The following CTNNA3 variants were observed in gnomAD, a reference collection of about 807,000 sequenced individuals.
CTNNA3 encodes the protein catenin alpha 3.
In CTNNA3, 76 loss-of-function variants were observed where a neutral mutation model predicts 95.7. The ratio of observed to expected loss-of-function variants is 0.79; its 90% CI spans 0.66 to 0.96. The LOEUF (loss-of-function observed/expected upper bound fraction) is 0.96. CTNNA3 is among the 40% of genes least tolerant of loss of function. The pLI, the probability that CTNNA3 is intolerant of heterozygous loss-of-function variation, is 0.00. For synonymous variants in CTNNA3, 431 were observed against 374.4 expected, an observed-to-expected ratio of 1.15 and a Z score of -1.74; for missense variants, 1,191 against 1,089.8, an observed-to-expected ratio of 1.09 and a Z score of -1.31.
chr10:67,265,794 C>G (rs1377053489), intron 5 of CTNNA3, among the ~76,000 whole-genome samples: 1 of 152,148 alleles, frequency 6.6e-6, no homozygotes, highest in African/African-American at 2.4e-5. Context: ...ACCTGGAAAC[C>G]AGGCATCTTC....
In CTNNA3 at chr10:66,915,594, A is replaced by G. The variant is rs1343322256; in HGVS notation, c.1048-140070T>C. 2.0e-5 allele frequency among the ~76,000 whole-genome samples: 3 copies of G among 151,940 alleles called. No individual in the cohort carries two copies. The East Asian group carries it at 5.8e-4, about 29-fold the overall frequency. On this transcript the variant is annotated intron_variant, in intron 7 of 17. Transcript: ENST00000433211. ...CTGTTCTGGAAAATGGTGAAGTACT[A>G]GGTACATAGCTAGAATTGGATATTG...
At chr10:67,656,060 C>T (rs543502162) in intron 1 of CTNNA3, among the ~76,000 whole-genome samples, 30 of 152,248 alleles carry the variant, frequency 2.0e-4, no homozygotes, top group African/African-American at 7.2e-4. Flanking sequence ...AAGAAGACAA[C>T]TGTAATATAA....
At chr10:66,976,556 T>A (rs1371462603) in intron 7 of CTNNA3, among the ~76,000 whole-genome samples, 1 of 152,168 alleles carries the variant, frequency 6.6e-6, no homozygotes, top group Non-Finnish European at 1.5e-5. Context: ...TGACATCATC[T>A]CTTCCTAAAA....
intron 12 of CTNNA3, among the ~76,000 whole-genome samples, chr10:66,357,936 C>T (rs2092623853): frequency 6.6e-6 from 1 of 152,172 alleles, no homozygotes; most frequent in African/African-American, 2.4e-5. Context: ...TTCTCCACAT[C>T]TTCCCCAACA....
chr10:66,862,258 A>C (rs1289506482), intron 7 of CTNNA3, among the ~76,000 whole-genome samples: 3 of 152,164 alleles, frequency 2.0e-5, no homozygotes, highest in Non-Finnish European at 4.4e-5. Context: ...TTTTGTGACC[A>C]GAAATATGCT....
In CTNNA3 at chr10:67,135,404, A is replaced by G. The variant is rs138920881; in HGVS notation, c.1047+44913T>C. Reference sequence around the variant, plus strand: ...ACAATGGACATACAGGTAAGTCACAATGGCTCATGCCTGCAATCCCAGTAC... The same window carrying G: ...ACAATGGACATACAGGTAAGTCACAGTGGCTCATGCCTGCAATCCCAGTAC... On this transcript the variant is annotated intron_variant, in intron 7 of 17. Transcript: ENST00000433211. Among the ~76,000 whole-genome samples the G allele has an allele frequency of 6.3e-3, 964 of 152,258 alleles. 10 individuals are homozygous for G. Among genetic ancestry groups the G allele is most frequent in the African/African-American group, 0.022 (904 of 41,570 alleles).
intron 1 of CTNNA3, among the ~76,000 whole-genome samples, chr10:67,728,079 T>TA (rs1841253050): frequency 7.1e-6 from 1 of 140,696 alleles, no homozygotes; most frequent in Non-Finnish European, 1.5e-5. Context: ...ACATATTATA[T>TA]ATTATATAAT....
chr10:66,644,747 T>C (rs1845646319), intron 9 of CTNNA3, among the ~76,000 whole-genome samples: 1 of 152,072 alleles, frequency 6.6e-6, no homozygotes, highest in Admixed American at 6.6e-5. Context: ...TGTATTAATT[T>C]TTCTTAGTGT....
At chr10:66,291,347 C>G (rs754192560) in intron 12 of CTNNA3, among the ~76,000 whole-genome samples, 1 of 152,070 alleles carries the variant, frequency 6.6e-6, no homozygotes, top group Non-Finnish European at 1.5e-5. Context: ...CCATTAAGGC[C>G]CCACCCATGG....
intron 3 of CTNNA3, among the ~76,000 whole-genome samples, chr10:67,562,336 T>C (rs962308668): frequency 1.3e-5 from 2 of 152,066 alleles, no homozygotes; most frequent in Non-Finnish European, 2.9e-5. Flanking sequence ...TGGTTCAACA[T>C]ACACAAATCA....
chr10:66,495,520 C>T (rs1488869335), intron 11 of CTNNA3, among the ~76,000 whole-genome samples: 1 of 152,142 alleles, frequency 6.6e-6, no homozygotes, highest in Non-Finnish European at 1.5e-5. Flanking sequence ...TAATCAATGA[C>T]ATAGCTGTGA....
chr10:66,388,329 TAATTA>T (rs1470975425), intron 11 of CTNNA3, among the ~76,000 whole-genome samples: 1 of 152,142 alleles, frequency 6.6e-6, no homozygotes, highest in Non-Finnish European at 1.5e-5. Context: ...AATTTCTCTT[TAATTA>T]AAGATGAAAT....
intron 13 of CTNNA3, among the ~76,000 whole-genome samples, chr10:66,203,046 T>C (rs1260627686): frequency 1.3e-5 from 2 of 152,226 alleles, no homozygotes; most frequent in Non-Finnish European, 1.5e-5. Context: ...CTACGCTTCA[T>C]GGGACAAACC....
intron 9 of CTNNA3, among the ~76,000 whole-genome samples, chr10:66,638,396 C>A (rs1301298923): frequency 1.3e-5 from 2 of 152,156 alleles, no homozygotes; most frequent in Non-Finnish European, 2.9e-5. Flanking sequence ...CCTCTAGAAG[C>A]GGACTTTAAT....
chr10:67,747,019 C>A (rs1234449551), intron 1 of CTNNA3, among the ~76,000 whole-genome samples: 1 of 152,160 alleles, frequency 6.6e-6, no homozygotes, highest in Non-Finnish European at 1.5e-5. Flanking sequence ...CAGATCACAG[C>A]CAGATTGCCT....
At chr10:66,533,752 T>C (rs1841550418) in intron 10 of CTNNA3, among the ~76,000 whole-genome samples, 1 of 152,068 alleles carries the variant, frequency 6.6e-6, no homozygotes, top group Non-Finnish European at 1.5e-5. Flanking sequence ...AGCGAACTCT[T>C]ATACCAGTAG....
At chr10:67,192,621 G>A (rs905968904) in intron 6 of CTNNA3, among the ~76,000 whole-genome samples, 1 of 151,762 alleles carries the variant, frequency 6.6e-6, no homozygotes, top group Non-Finnish European at 1.5e-5. Flanking sequence ...GAGACGATGT[G>A]GAGAAAAGGG....
chr10:65,917,960 A>G lies in CTNNA3; in HGVS notation c.*2370T>C, dbSNP rs960882775. 1 of 152,096 alleles carries G rather than the reference A, an allele frequency of 6.6e-6. No homozygotes were observed. Among genetic ancestry groups the G allele is most frequent in the African/African-American group, 2.4e-5 (1 of 41,406 alleles). The allele number at this position is 152,096 out of a possible 1,614,324, so 9.4% of individuals were successfully genotyped here. A position where few individuals can be genotyped will look rare whatever the true frequency, so the allele number is the denominator to read the frequency against. ...ACAGATGCCTTTTTCAGCTCTATGC[A>G]TCTTGTTTTTATGTCACTATCGATT... is the stretch of plus-strand genomic sequence containing the variant. On this transcript the variant is annotated 3_prime_UTR_variant, in exon 18 of 18. Coordinates refer to ENST00000433211, the MANE Select transcript of CTNNA3 (RefSeq NM_013266.4).
intron 15 of CTNNA3, among the ~76,000 whole-genome samples, chr10:66,064,204 A>G (rs1040855627): frequency 5.9e-5 from 9 of 152,114 alleles, no homozygotes; most frequent in African/African-American, 2.2e-4. Context: ...AAACCATCAG[A>G]TCTCCTGATA....
Sources: allele counts gnomAD v4.1 joint callset (sites outside exome capture counted in the v4.1 genomes callset), GRCh38; gene constraint gnomAD v4.1.1; transcripts MANE v1.5; gene names NCBI Gene and HGNC (gene_info 2026-07-23, HGNC 2026-07-21).